The following RGS6 variants were observed in gnomAD, a reference collection of about 807,000 sequenced individuals.
The protein encoded by RGS6 is regulator of G-protein signaling 6.
Under a neutral mutation model 78.5 loss-of-function variants are expected in RGS6, and 30 were observed. That is an observed-to-expected ratio of 0.38 (90% confidence interval 0.29 to 0.52). The LOEUF (loss-of-function observed/expected upper bound fraction) is 0.52, where lower values mean the gene tolerates loss of function less well. Among genes scored for constraint, RGS6 ranks in the 20% least tolerant of loss-of-function variants. The probability of loss-of-function intolerance (pLI) is 0.85; values close to 1 mark genes in which losing one functional copy is unlikely to be tolerated. For missense variants in RGS6, 495 were observed against 609.7 expected, an observed-to-expected ratio of 0.81 and a Z score of 1.98; for synonymous variants, 206 against 206.0, an observed-to-expected ratio of 1.00 and a Z score of 0.00.
chr14:71,975,794 T>A (rs1380363352), intron 2 of RGS6, among the ~76,000 whole-genome samples: 1 of 152,182 alleles, frequency 6.6e-6, no homozygotes, highest in Non-Finnish European at 1.5e-5. Context: ...TTTCAAATAT[T>A]GTTTATGCCT....
At chr14:72,052,028 A>T (rs2093279550) in intron 2 of RGS6, among the ~76,000 whole-genome samples, 1 of 152,208 alleles carries the variant, frequency 6.6e-6, no homozygotes, top group Non-Finnish European at 1.5e-5. Context: ...GTACCTGTGC[A>T]AACGTCAGGT....
chr14:72,619,600 GT>G, the RGS6 span, among the ~76,000 whole-genome samples: 1 of 152,130 alleles, frequency 6.6e-6, no homozygotes, highest in Non-Finnish European at 1.5e-5. Flanking sequence ...CTCCAAACTA[GT>G]GTCGCCGGGC....
At chr14:71,933,212 G>A (rs1010693382) in intron 1 of RGS6, 17 of 152,356 alleles carry the variant, frequency 1.1e-4, no homozygotes, top group African/African-American at 4.1e-4. Flanking sequence ...ATGTTCCTGG[G>A]TTTCTGGGTG....
intron 2 of RGS6, among the ~76,000 whole-genome samples, chr14:72,005,743 T>C (rs906939389): frequency 5.9e-5 from 9 of 152,222 alleles, no homozygotes; most frequent in African/African-American, 2.2e-4. Context: ...CTCCATGTCT[T>C]TCTTCCTGCT....
At chr14:72,514,960 T>C (rs1004181707) in intron 14 of RGS6, among the ~76,000 whole-genome samples, 1 of 152,214 alleles carries the variant, frequency 6.6e-6, no homozygotes, top group Non-Finnish European at 1.5e-5. Flanking sequence ...AGTTCCCAGC[T>C]CAGGCCTGTG....
intron 15 of RGS6, among the ~76,000 whole-genome samples, chr14:72,526,559 A>G (rs1256697827): frequency 6.9e-6 from 1 of 145,832 alleles, no homozygotes; most frequent in Non-Finnish European, 1.5e-5. Flanking sequence ...CTGTTTTTAT[A>G]GATGCTTTGC....
chr14:71,868,164 C>T, the RGS6 span, among the ~76,000 whole-genome samples: 2 of 152,146 alleles, frequency 1.3e-5, no homozygotes, highest in Non-Finnish European at 2.9e-5. Context: ...AGGGGTGTGT[C>T]AGGGAGAGTT....
At chr14:72,557,180 T>G (rs139689769) in intron 17 of RGS6, among the ~76,000 whole-genome samples, 1 of 152,320 alleles carries the variant, frequency 6.6e-6, no homozygotes, top group African/African-American at 2.4e-5. Context: ...TGCCCCACCT[T>G]GTTTCACAGA....
chr14:71,891,346 T>C, the RGS6 span, among the ~76,000 whole-genome samples: 1 of 152,178 alleles, frequency 6.6e-6, no homozygotes, highest in African/African-American at 2.4e-5. Flanking sequence ...CCCCCTGGAC[T>C]GCAGAAACAA....
chr14:71,921,422 A>G, the RGS6 span, among the ~76,000 whole-genome samples: 1 of 152,258 alleles, frequency 6.6e-6, no homozygotes, highest in East Asian at 1.9e-4. Context: ...CTATGCTCCC[A>G]TGTTTATTGC....
the RGS6 span, among the ~76,000 whole-genome samples, chr14:71,874,455 G>T: frequency 6.6e-6 from 1 of 152,136 alleles, no homozygotes; most frequent in Non-Finnish European, 1.5e-5. Context: ...TTTGTTGGTG[G>T]TGTATAGGAA....
At chr14:72,065,165 G>T (rs906812108) in intron 2 of RGS6, among the ~76,000 whole-genome samples, 1 of 152,126 alleles carries the variant, frequency 6.6e-6, no homozygotes, top group Non-Finnish European at 1.5e-5. Context: ...TATACAACTG[G>T]CAGACTTTGA....
intron 2 of RGS6, among the ~76,000 whole-genome samples, chr14:72,313,574 C>G (rs962747705): frequency 6.6e-6 from 1 of 152,310 alleles, no homozygotes; most frequent in Admixed American, 6.5e-5. Flanking sequence ...GTTAAATTGC[C>G]GCTTCTCTTT....
intron 14 of RGS6, among the ~76,000 whole-genome samples, chr14:72,516,437 G>C (rs1012884964): frequency 2.9e-4 from 44 of 152,166 alleles, no homozygotes; most frequent in African/African-American, 9.2e-4. Flanking sequence ...ACCCTCTCTG[G>C]ACTCTGGATA....
At chr14:72,439,965 G>A (rs562575134) in intron 3 of RGS6, among the ~76,000 whole-genome samples, 10 of 152,268 alleles carry the variant, frequency 6.6e-5, no homozygotes, top group South Asian at 2.1e-4. Context: ...TGCTCTAGCC[G>A]CAGGCTGCTC....
the RGS6 span, among the ~76,000 whole-genome samples, chr14:71,887,105 C>A: frequency 6.6e-6 from 1 of 152,166 alleles, no homozygotes; most frequent in Admixed American, 6.5e-5. Flanking sequence ...GGAGCTGCAG[C>A]AGAGGAACGT....
intron 12 of RGS6, among the ~76,000 whole-genome samples, chr14:72,494,065 G>A (rs1055926087): frequency 2.0e-5 from 3 of 152,156 alleles, no homozygotes; most frequent in Non-Finnish European, 4.4e-5. Flanking sequence ...ATCCAGTTTC[G>A]AGCAAGAAGA....
chr14:72,446,315 C>A (rs143311324), intron 3 of RGS6, among the ~76,000 whole-genome samples: 1 of 152,168 alleles, frequency 6.6e-6, no homozygotes, highest in African/African-American at 2.4e-5. Flanking sequence ...GAAGTCATAG[C>A]AAACTAATAT....
intron 2 of RGS6, among the ~76,000 whole-genome samples, chr14:72,229,006 GAT>G (rs1200470314): frequency 1.1e-4 from 16 of 152,344 alleles, no homozygotes; most frequent in African/African-American, 3.8e-4. Flanking sequence ...AGTGAGCTGA[GAT>G]TGTGCCACTG....
Sources: allele counts gnomAD v4.1 joint callset (sites outside exome capture counted in the v4.1 genomes callset), GRCh38; gene constraint gnomAD v4.1.1; transcripts MANE v1.5; gene names NCBI Gene and HGNC (gene_info 2026-07-23, HGNC 2026-07-21).